GPAM: variants seen among roughly 807,000 people sequenced by gnomAD.
GPAM encodes the protein glycerol-3-phosphate acyltransferase, mitochondrial, also known as glycerol-3-phosphate acyltransferase 1, mitochondrial.
A neutral mutation model predicts 105.0 loss-of-function variants in GPAM; 56 were observed. That is an observed-to-expected ratio of 0.53 (90% CI 0.43 to 0.67). The LOEUF (loss-of-function observed/expected upper bound fraction) is 0.67, where lower values mean the gene tolerates loss of function less well. Among genes scored for constraint, GPAM ranks in the 30% least tolerant of loss-of-function variants. GPAM has a pLI of 0.00. For missense variants in GPAM, 855 were observed against 989.8 expected, an observed-to-expected ratio of 0.86 and a Z score of 1.83; for synonymous variants, 368 against 354.4, an observed-to-expected ratio of 1.04 and a Z score of -0.43.
At chr10:112,226,803 A>T in the GPAM span, among the ~76,000 whole-genome samples, 7 of 152,176 alleles carry the variant, frequency 4.6e-5, no homozygotes, top group African/African-American at 1.7e-4. Context: ...AGGAGTCAGC[A>T]AGTCTAGACA....
intron 20 of GPAM, 104 bp from the exon 21 acceptor site, chr10:112,154,791 G>A: frequency 3.2e-6 from 3 of 929,508 alleles, no homozygotes; most frequent in Non-Finnish European, 5.2e-6. Context: ...AGAGAATGAG[G>A]GCAAGTCAGC....
intron 1 of GPAM, among the ~76,000 whole-genome samples, chr10:112,203,196 C>G (rs1318630910): frequency 6.6e-6 from 1 of 152,158 alleles, no homozygotes. Flanking sequence ...TAGAAACCCC[C>G]TTCTCTGGGG....
rs756402197 is a variant in GPAM, at chr10:112,159,978, T to C, written c.1835A>G (p.Gln612Arg). Residue 612 changes from glutamine to arginine, a missense_variant, in exon 17 of 22, where the codon CAG becomes CGG. Physicochemically the swap from Gln to Arg is conservative, Grantham distance 43. Coordinates refer to ENST00000348367, the MANE Select transcript of GPAM (RefSeq NM_001244949.2). Reference sequence around the variant, plus strand: ...GGCCGCCTTCCGCACCAGCTGCTCCTGGCTGATCAGGTTAGGTGGGGTGCT... The same window carrying C: ...GGCCGCCTTCCGCACCAGCTGCTCCCGGCTGATCAGGTTAGGTGGGGTGCT... The part of the protein sequence containing the change: ...PTSTPPNLIS[Q>R]EQLVRKAASL... The C allele has an allele frequency of 1.9e-6, 3 of 1,613,910 alleles. No individual in the cohort carries two copies. The highest frequency in any genetic ancestry group is 1.3e-5 in the African/African-American group (1 of 74,932).
intron 19 of GPAM, chr10:112,156,633 A>C (rs1847023230): frequency 5.9e-6 from 1 of 170,524 alleles, no homozygotes; most frequent in South Asian, 1.5e-4. Context: ...GTGTGAAAGC[A>C]AGATCACTGC....
In GPAM at chr10:112,166,475, C is replaced by T. The variant is rs760890244; in HGVS notation, c.1148G>A (p.Arg383Lys). The T allele has an allele frequency of 1.2e-6, 2 of 1,611,778 alleles. No homozygotes were observed. The highest frequency in any genetic ancestry group is 2.7e-5 in the African/African-American group (2 of 75,008). Residue 383 changes from arginine to lysine, a missense_variant, in exon 12 of 22, where the codon AGA becomes AAA. Coordinates refer to ENST00000348367, the MANE Select transcript of GPAM (RefSeq NM_001244949.2). ...TTTTCGTAACATTCTAATAACACCT[C>T]TTGCTACACTCCACAGGCTCTCATT... ...KKNESLWSVA[R>K]GVIRMLRKNY...
At chr10:112,184,528 G>A (rs1160962029), upstream of GPAM, among the ~76,000 whole-genome samples, 1 of 152,194 alleles carries the variant, frequency 6.6e-6, no homozygotes, top group Non-Finnish European at 1.5e-5. Flanking sequence ...TAGCAATCCA[G>A]TCTAGCCAGC....
chr10:112,164,587 C>T lies in GPAM; in HGVS notation c.1245G>A (p.Gln415=). Residue 415 remains glutamine, a synonymous_variant, in exon 13 of 22, where the codon CAG becomes CAA. Transcript: ENST00000348367. ...GGGAAAGTAGAGCAGACACCGGTTT[C>T]TGACTTTGGCTTTCTAAATATTCCT... ...SLKEYLESQS[Q]KPVSALLSLE... is the part of the protein sequence containing the mutation. 1 of 1,602,870 alleles carries T rather than the reference C, an allele frequency of 6.2e-7. No homozygotes were observed.
chr10:112,180,644 C>T, intron 3 of GPAM, 49 bp from the exon 4 acceptor site: 1 of 1,492,594 alleles, frequency 6.7e-7, no homozygotes. Context: ...CAAGAGAATA[C>T]TTGTCTACTT....
chr10:112,211,009 C>T (rs1847904973), intron 1 of GPAM, among the ~76,000 whole-genome samples: 1 of 152,190 alleles, frequency 6.6e-6, no homozygotes, highest in Non-Finnish European at 1.5e-5. Context: ...GGTTAACTGC[C>T]CAGGCAGGAC....
At chr10:112,225,170 G>T in the GPAM span, among the ~76,000 whole-genome samples, 3 of 152,274 alleles carry the variant, frequency 2.0e-5, no homozygotes, top group South Asian at 6.2e-4. Flanking sequence ...TAGAATGCAG[G>T]ATGTGCTGCC....
Position 112,153,029 on chromosome 10 carries a change from TA to T in GPAM, c.*520del. 3 of 624,896 alleles carry T rather than the reference TA, an allele frequency of 4.8e-6. No individual in the cohort carries two copies. The highest frequency in any genetic ancestry group is 6.1e-6 in the Non-Finnish European group (3 of 495,182). The allele number at this position is 624,896 out of a possible 1,614,324, so 38.7% of individuals were successfully genotyped here. A position where few individuals can be genotyped will look rare whatever the true frequency, so the allele number is the denominator to read the frequency against. On this transcript the variant is annotated 3_prime_UTR_variant, in exon 22 of 22. Transcript: ENST00000348367. ...ACTCAATTTATAAAGCACTTTGGGA[TA>T]AAAGGTGCTCCCATTAAAAATGTAG...
chr10:112,163,550 G>A (rs958386318), intron 14 of GPAM, 151 bp downstream of exon 14: 49 of 655,814 alleles, frequency 7.5e-5, no homozygotes, highest in Admixed American at 3.7e-4. Context: ...AAATCCTCAC[G>A]GTATCACCTT....
chr10:112,201,859 T>C (rs541199455), intron 1 of GPAM, among the ~76,000 whole-genome samples: 1 of 152,308 alleles, frequency 6.6e-6, no homozygotes, highest in South Asian at 2.1e-4. Context: ...GCACCAAATA[T>C]ATATTTGTTG....
At chr10:112,214,115 G>T (rs533585481) in intron 1 of GPAM, among the ~76,000 whole-genome samples, 5 of 152,256 alleles carry the variant, frequency 3.3e-5, no homozygotes, top group Admixed American at 6.5e-5. Context: ...ACCATCCTGT[G>T]GGGGGATCCA....
intron 20 of GPAM, chr10:112,155,254 A>G (rs1370797961): frequency 5.7e-6 from 1 of 175,456 alleles, no homozygotes. Context: ...CCAAACTACA[A>G]CTGTATAAAA....
chr10:112,198,744 T>A (rs1847755432), intron 1 of GPAM, among the ~76,000 whole-genome samples: 1 of 152,202 alleles, frequency 6.6e-6, no homozygotes, highest in Non-Finnish European at 1.5e-5. Context: ...GCAGCATTAT[T>A]CACAATAGCC....
intron 1 of GPAM, among the ~76,000 whole-genome samples, chr10:112,195,381 C>T (rs895129241): frequency 3.9e-5 from 6 of 152,302 alleles, no homozygotes; most frequent in East Asian, 3.9e-4. Context: ...CGTACTCTTT[C>T]GCTCTCTGAC....
At chr10:112,203,259 C>G (rs952652183) in intron 1 of GPAM, among the ~76,000 whole-genome samples, 1 of 152,168 alleles carries the variant, frequency 6.6e-6, no homozygotes, top group Non-Finnish European at 1.5e-5. Flanking sequence ...TCTCTCTTAT[C>G]CTGAAGAAAG....
At chr10:112,215,327 G>A (rs1404194107) in exon 1 of GPAM, 2 of 152,208 alleles carry the variant, frequency 1.3e-5, no homozygotes, top group African/African-American at 4.8e-5. Context: ...GACAGACTTT[G>A]GGTGCTCCAC....
Sources: allele counts gnomAD v4.1 joint callset (sites outside exome capture counted in the v4.1 genomes callset), GRCh38; gene constraint gnomAD v4.1.1; transcripts MANE v1.5; gene names NCBI Gene and HGNC (gene_info 2026-07-23, HGNC 2026-07-21).